The following ASL variants were observed in gnomAD, a reference collection of about 807,000 sequenced individuals.
The protein encoded by ASL is argininosuccinase.
Under a neutral mutation model 69.1 loss-of-function variants are expected in ASL, and 51 were observed. The observed-to-expected ratio is 0.74, with a 90% CI of 0.59 to 0.93. The LOEUF (loss-of-function observed/expected upper bound fraction) is 0.93. ASL is among the 40% of genes least tolerant of loss of function. ASL has a pLI of 0.00. For synonymous variants in ASL, 241 were observed against 247.6 expected (o/e 0.97, Z 0.25); for missense variants, 540 against 623.9 (o/e 0.87, Z 1.43).
intron 16 of ASL, 46 bp downstream of exon 16, chr7:66,092,709 T>G: frequency 1.9e-6 from 3 of 1,613,700 alleles, no homozygotes; most frequent in Non-Finnish European, 2.5e-6. Context: ...GAAGTGAGCC[T>G]GGGTGCCTGG....
At chr7:66,090,918 C>T (rs1396021760) in intron 14 of ASL, among the ~76,000 whole-genome samples, 2 of 151,748 alleles carry the variant, frequency 1.3e-5, no homozygotes, top group African/African-American at 2.4e-5. Context: ...GCCAACATGG[C>T]GAAACCCCGT....
At chr7:66,092,168 G>A (rs912540623) in intron 15 of ASL, 82 bp downstream of exon 15, 47 of 1,530,118 alleles carry the variant, frequency 3.1e-5, no homozygotes, top group Non-Finnish European at 4.1e-5. Context: ...ATGGGTGCAA[G>A]CGGCCCAGCC....
At position 66,088,879 on chromosome 7, in the gene ASL, G is replaced by A. The variant is rs1039301353; in HGVS notation, c.791G>A (p.Cys264Tyr). The A allele has an allele frequency of 6.2e-7, 1 of 1,614,012 alleles. No individual in the cohort carries two copies. The highest frequency in any genetic ancestry group is 8.5e-7 in the Non-Finnish European group (1 of 1,180,004). ...ATGGCCGAGGACCTCATCCTCTACTGCACCAAGGAATTCAGCTTCGTGCAG... is the reference window on the plus strand; with the variant it reads ...ATGGCCGAGGACCTCATCCTCTACTACACCAAGGAATTCAGCTTCGTGCAG... ...SRMAEDLILY[C>Y]TKEFSFVQLS... The change falls in exon 11 of 17, where the codon TGC becomes TAC. Residue 264 changes from cysteine (C) to tyrosine (Y), a missense_variant. Physicochemically the swap from Cys to Tyr is radical, Grantham distance 194. Transcript: ENST00000304874.
rs1786668922 is a variant in ASL, at chr7:66,086,610, T to A, written c.472T>A (p.Tyr158Asn). ...GGAACGTGATGTTCTCTTCCCGGGG[T>A]ACACCCATTTGCAGAGGGCCCAGCC... Reference protein sequence around the residue: ...EAERDVLFPGYTHLQRAQPIR... With the variant: ...EAERDVLFPGNTHLQRAQPIR... The change falls in exon 7 of 17, where the codon TAC becomes AAC. Residue 158 changes from tyrosine to asparagine, a missense_variant. Tyr to Asn is a moderately radical substitution (Grantham distance 143). Coordinates refer to ENST00000304874, the MANE Select transcript of ASL (RefSeq NM_000048.4). 1 of 1,613,654 alleles carries A rather than the reference T, an allele frequency of 6.2e-7. No individual in the cohort carries two copies. The highest frequency in any genetic ancestry group is 1.7e-5 in the Admixed American group (1 of 59,980).
chr7:66,076,243 G>A (rs1197680595), intron 2 of ASL, 150 bp downstream of exon 2: 3 of 1,071,634 alleles, frequency 2.8e-6, no homozygotes, highest in Non-Finnish European at 4.1e-6. Flanking sequence ...AGCCCTCCCG[G>A]GCGCATCATC....
Position 66,087,334 on chromosome 7 carries a change from T to A in ASL, c.603T>A (p.Ser201Arg). 1.2e-6 allele frequency: 2 copies of A among 1,604,102 alleles called. No homozygotes were observed. Among genetic ancestry groups the A allele is most frequent in the African/African-American group, 1.3e-5 (1 of 74,788 alleles). Residue 201 changes from serine to arginine, a missense_variant and splice_region_variant, in exon 9 of 17, where the codon AGT becomes AGA. Physicochemically the swap from Ser to Arg is moderately radical, Grantham distance 110 (BLOSUM62 -1). Coordinates refer to ENST00000304874, the MANE Select transcript of ASL (RefSeq NM_000048.4). Reference protein sequence around the residue: ...RKRINVLPLGSGAIAGNPLGV... With the variant: ...RKRINVLPLGRGAIAGNPLGV... ...TCACCATGAATCCCTGTCCCTGCAG[T>A]GGGGCCATTGCAGGCAATCCCCTGG...
In ASL at chr7:66,082,010, G is replaced by T; in HGVS notation, c.207+13G>T. 1 of 1,590,972 alleles carries T rather than the reference G, an allele frequency of 6.3e-7. No homozygotes were observed. Among genetic ancestry groups the T allele is most frequent in the South Asian group, 1.1e-5 (1 of 87,926 alleles). ...TGGCCTAGACAAGGTACTTGCCGTG[G>T]CCCAAGCCCCACCCAAGGCCCCTTC... On this transcript the variant is annotated intron_variant, in intron 3 of 16. Transcript: ENST00000304874.
At chr7:66,088,551 AAAC>A (rs1438897736) in intron 10 of ASL, among the ~76,000 whole-genome samples, 5 of 152,196 alleles carry the variant, frequency 3.3e-5, no homozygotes, top group Non-Finnish European at 7.3e-5. Flanking sequence ...GGTTTATTTA[AAAC>A]AACAACAATA....
chr7:66,076,912 C>T (rs1180663507), intron 2 of ASL, among the ~76,000 whole-genome samples: 1 of 152,186 alleles, frequency 6.6e-6, no homozygotes, highest in Non-Finnish European at 1.5e-5. Flanking sequence ...TAGCAATTCA[C>T]TTCCTCTTTC....
intron 5 of ASL, 21 bp downstream of exon 5, chr7:66,082,957 C>A (rs768301369): frequency 6.2e-7 from 1 of 1,613,040 alleles, no homozygotes. Context: ...CCCTCCACCC[C>A]CTGCTCCGTG....
intron 6 of ASL, 80 bp from the exon 7 acceptor site, chr7:66,086,505 C>T: frequency 6.7e-7 from 1 of 1,494,304 alleles, no homozygotes; most frequent in Non-Finnish European, 9.2e-7. Flanking sequence ...CCAGGGGTGA[C>T]CCAGGCCTGC....
intron 2 of ASL, among the ~76,000 whole-genome samples, chr7:66,081,099 C>T (rs1454062603): frequency 6.6e-6 from 1 of 152,198 alleles, no homozygotes; most frequent in Non-Finnish European, 1.5e-5. Context: ...CTGCTCTGTG[C>T]CTCAGTTTCC....
At chr7:66,091,331 G>T (rs1786837520) in intron 14 of ASL, among the ~76,000 whole-genome samples, 2 of 152,120 alleles carry the variant, frequency 1.3e-5, no homozygotes, top group South Asian at 4.1e-4. Flanking sequence ...GCTGAGGCAG[G>T]AGAAGCGCTT....
In ASL at chr7:66,086,636, C is replaced by T. The variant is rs1293664442; in HGVS notation, c.498C>T (p.Pro166=). 28 of 1,613,776 alleles carry T rather than the reference C, an allele frequency of 1.7e-5. No individual in the cohort carries two copies. The highest frequency in any genetic ancestry group is 2.1e-5 in the Non-Finnish European group (25 of 1,180,038). The change falls in exon 7 of 17, where the codon CCC becomes CCT. Residue 166 remains proline, a synonymous_variant. Transcript: ENST00000304874. ...ACACCCATTTGCAGAGGGCCCAGCC[C>T]ATCCGCTGGAGCCACTGGATTCTGA... ...PGYTHLQRAQ[P]IRWSHWILSH...
At position 66,081,792 on chromosome 7, in the gene ASL, C is replaced by G; in HGVS notation, c.13-11C>G. 1.2e-6 allele frequency: 2 copies of G among 1,612,194 alleles called. No individual in the cohort carries two copies. The highest frequency in any genetic ancestry group is 1.1e-5 in the South Asian group (1 of 90,968). ...GGAGGAGAGACTAATTGTTCTTGCTCTCCTGGCCAGAGTGGGAAGCTTTGG... is the reference window on the plus strand; with the variant it reads ...GGAGGAGAGACTAATTGTTCTTGCTGTCCTGGCCAGAGTGGGAAGCTTTGG... On this transcript the variant is annotated splice_polypyrimidine_tract_variant and intron_variant, in intron 2 of 16. Coordinates refer to ENST00000304874, the MANE Select transcript of ASL (RefSeq NM_000048.4).
rs1439477217 is a variant in ASL, at chr7:66,082,454, A to G, written c.291+3A>G. 1.2e-6 allele frequency: 2 copies of G among 1,608,362 alleles called. No homozygotes were observed. The highest frequency in any genetic ancestry group is 1.7e-6 in the Non-Finnish European group (2 of 1,178,710). On this transcript the variant is annotated splice_donor_region_variant and intron_variant, in intron 4 of 16. Transcript: ENST00000304874. ...CAGCCAATGAGCGCCGCCTGAAGGT[A>G]CGACCCCTGGAGCCCCACCGCTTTC...
At position 66,092,950 on chromosome 7, in the gene ASL, G is replaced by C; in HGVS notation, c.*38G>C. 1 of 1,576,190 alleles carries C rather than the reference G, an allele frequency of 6.3e-7. No individual in the cohort carries two copies. The highest frequency in any genetic ancestry group is 1.1e-5 in the South Asian group (1 of 88,986). Reference sequence around the variant, plus strand: ...CTGCCCCCTAATAAAGTGGGCGCGAGAGGAGGCTGCTGTGTGTTTCCTGCC... The same window carrying C: ...CTGCCCCCTAATAAAGTGGGCGCGACAGGAGGCTGCTGTGTGTTTCCTGCC... On this transcript the variant is annotated 3_prime_UTR_variant, in exon 17 of 17. Transcript: ENST00000304874.
chr7:66,079,765 G>A (rs1227021489), intron 2 of ASL, among the ~76,000 whole-genome samples: 4 of 151,984 alleles, frequency 2.6e-5, no homozygotes, highest in Admixed American at 1.3e-4. Context: ...AACTACAGGC[G>A]AGTGCCACCA....
At chr7:66,076,423 C>G (rs1169724761) in intron 2 of ASL, among the ~76,000 whole-genome samples, 4 of 152,204 alleles carry the variant, frequency 2.6e-5, no homozygotes, top group African/African-American at 9.6e-5. Flanking sequence ...CCAACTCTTC[C>G]TTCCTTCTTA....
Sources: gnomAD v4.1 joint callset for allele counts (sites outside exome capture counted in the v4.1 genomes callset) on GRCh38, gnomAD v4.1.1 for gene constraint, MANE v1.5 for transcripts, NCBI Gene and HGNC (gene_info 2026-07-23, HGNC 2026-07-21) for gene names.